TMEM163: variants seen among roughly 807,000 people sequenced by gnomAD.
The protein encoded by TMEM163 is transmembrane protein 163.
In TMEM163, 17 loss-of-function variants were observed where a neutral mutation model predicts 29.3. That is an observed-to-expected ratio of 0.58 (90% confidence interval 0.40 to 0.87). TMEM163 has a LOEUF of 0.87. Ranked by LOEUF, TMEM163 falls within the 40% of genes least tolerant of loss-of-function variation. The pLI, the probability that TMEM163 is intolerant of heterozygous loss-of-function variation, is 0.00. For missense variants in TMEM163, 303 were observed against 381.5 expected, an observed-to-expected ratio of 0.79 and a Z score of 1.71; for synonymous variants, 157 against 160.6, an observed-to-expected ratio of 0.98 and a Z score of 0.17.
At chr2:134,522,884 G>A (rs1680216337) in intron 4 of TMEM163, among the ~76,000 whole-genome samples, 1 of 152,204 alleles carries the variant, frequency 6.6e-6, no homozygotes, top group Admixed American at 6.5e-5. Flanking sequence ...CGAATCCCTT[G>A]CATGTTGAAA....
chr2:134,516,859 G>A (rs910240041), intron 4 of TMEM163, among the ~76,000 whole-genome samples: 2 of 151,110 alleles, frequency 1.3e-5, no homozygotes, highest in South Asian at 2.1e-4. Flanking sequence ...TACGGCCAAG[G>A]ACCGCAAGAC....
chr2:134,521,757 C>T (rs1257474244), intron 4 of TMEM163, among the ~76,000 whole-genome samples: 1 of 152,166 alleles, frequency 6.6e-6, no homozygotes, highest in Non-Finnish European at 1.5e-5. Context: ...ACATCAACTT[C>T]GCTGAAGAGC....
chr2:134,678,661 C>T lies in TMEM163; in HGVS notation c.322+34539G>A, dbSNP rs534939010. Among the ~76,000 whole-genome samples the T allele has an allele frequency of 1.4e-3, 206 of 152,302 alleles. 1 individual carries two copies. The highest frequency in any genetic ancestry group is 4.5e-3 in the African/African-American group (189 of 41,562). ...CTCTGCTACTCATAAGCTGTGTCAG[C>T]CTGGGGAGTCCTTTCCCATTCCCCA... is the stretch of plus-strand genomic sequence containing the variant. On this transcript the variant is annotated intron_variant, in intron 2 of 7. Coordinates refer to ENST00000281924, the MANE Select transcript of TMEM163 (RefSeq NM_030923.5).
chr2:134,496,606 G>A (rs2106484700), intron 5 of TMEM163, among the ~76,000 whole-genome samples: 1 of 152,304 alleles, frequency 6.6e-6, no homozygotes, highest in Admixed American at 6.5e-5. Context: ...TGACTGCAGG[G>A]AAATGAACAA....
Position 134,718,792 on chromosome 2 carries a change from C to T in TMEM163, c.144G>A (p.Glu48=), listed in dbSNP as rs976496840. 1.7e-6 allele frequency: 2 copies of T among 1,148,268 alleles called. No homozygotes were observed. The highest frequency in any genetic ancestry group is 3.3e-5 in the African/African-American group (2 of 61,320). The allele number at this position is 1,148,268 out of a possible 1,614,324, so 71.1% of individuals were successfully genotyped here. A position where few individuals can be genotyped will look rare whatever the true frequency, so the allele number is the denominator to read the frequency against. The change falls in exon 1 of 8, where the codon GAG becomes GAA. Residue 48 remains glutamate, a synonymous_variant. Coordinates refer to ENST00000281924, the MANE Select transcript of TMEM163 (RefSeq NM_030923.5). ...TCTCGCTGATCCGCACCTGCCGCTC[C>T]TCCTCCAGCTGGGGCGGCTCGCGCA... ...SPVREPPQLE[E]ERQVRISESG...
intron 2 of TMEM163, among the ~76,000 whole-genome samples, chr2:134,603,791 GT>G (rs1172077599): frequency 2.3e-5 from 3 of 130,946 alleles, no homozygotes; most frequent in Non-Finnish European, 4.7e-5. Context: ...AGCTGGCACT[GT>G]TTTGCCCACA....
intron 2 of TMEM163, among the ~76,000 whole-genome samples, chr2:134,646,038 G>A (rs1683327676): frequency 6.6e-6 from 1 of 151,306 alleles, no homozygotes. Context: ...TTCACTTACA[G>A]TATCTGAGGA....
At chr2:134,582,802 A>T (rs1681725519) in intron 2 of TMEM163, among the ~76,000 whole-genome samples, 1 of 152,056 alleles carries the variant, frequency 6.6e-6, no homozygotes, top group African/African-American at 2.4e-5. Context: ...GTGATATCTC[A>T]TGTGGGGGCT....
rs964326360 is a variant in TMEM163 at position 134,655,525 on chromosome 2, T to C, written c.322+57675A>G. ...CCCGTAGCTCAGAGTAATTTGATCG[T>C]CTGAAGCCTTCTTCTCTCAGCTTGT... On this transcript the variant is annotated intron_variant, in intron 2 of 7. Transcript: ENST00000281924. Among the ~76,000 whole-genome samples, 213 of 139,582 alleles carry C rather than the reference T, an allele frequency of 1.5e-3. 31 individuals are homozygous for C. Among genetic ancestry groups the C allele is most frequent in the African/African-American group, 5.8e-3 (191 of 33,112 alleles). The allele number at this position is 139,582 out of a possible 152,430, so 91.6% of individuals were successfully genotyped here. A position where few individuals can be genotyped will look rare whatever the true frequency, so the allele number is the denominator to read the frequency against.
intron 2 of TMEM163, among the ~76,000 whole-genome samples, chr2:134,568,568 GAAAAGA>G (rs1231329307): frequency 3.0e-5 from 3 of 99,700 alleles, no homozygotes; most frequent in African/African-American, 1.1e-4. Context: ...AGAAAAGAAG[GAAAAGA>G]AAAAGAAAAG....
intron 5 of TMEM163, among the ~76,000 whole-genome samples, chr2:134,500,887 T>G (rs549354189): frequency 4.6e-5 from 7 of 152,318 alleles, no homozygotes; most frequent in African/African-American, 1.7e-4. Context: ...GAGGAATAAG[T>G]TCTAGTGTTC....
In TMEM163 at chr2:134,554,295, G is replaced by A. The variant is rs544702497; in HGVS notation, c.323-2204C>T. ...AAAAGAATAAGCCGGGCGTGGTGGC[G>A]TGTGCCTGTAGTCCCAGCTGCTCGG... On this transcript the variant is annotated intron_variant, in intron 2 of 7. Transcript: ENST00000281924. Among the ~76,000 whole-genome samples the A allele has an allele frequency of 9.2e-4, 140 of 151,928 alleles. 1 individual carries two copies. Among genetic ancestry groups the A allele is most frequent in the Admixed American group, 7.1e-3 (108 of 15,256 alleles).
chr2:134,531,982 T>C (rs1193377809), intron 4 of TMEM163, among the ~76,000 whole-genome samples: 2 of 152,208 alleles, frequency 1.3e-5, no homozygotes, highest in Non-Finnish European at 2.9e-5. Flanking sequence ...TAGCATTCAC[T>C]AGGACACAAT....
At position 134,517,741 on chromosome 2, in the gene TMEM163, T is replaced by C. The variant is rs567864719; in HGVS notation, c.459-14744A>G. Among the ~76,000 whole-genome samples the C allele has an allele frequency of 5.1e-4, 78 of 152,344 alleles. 1 individual carries two copies. The highest frequency in any genetic ancestry group is 1.8e-3 in the African/African-American group (75 of 41,584). The stretch of plus-strand genomic sequence containing the variant: ...TGACATACTAAAACTGCAATCTAGA[T>C]GGAGCAATGGGAATTCTGGCTTATT... On this transcript the variant is annotated intron_variant, in intron 4 of 7. Coordinates refer to ENST00000281924, the MANE Select transcript of TMEM163 (RefSeq NM_030923.5).
At chr2:134,599,363 G>A (rs936029449) in intron 2 of TMEM163, among the ~76,000 whole-genome samples, 1 of 152,190 alleles carries the variant, frequency 6.6e-6, no homozygotes, top group African/African-American at 2.4e-5. Flanking sequence ...CAAGGCTATA[G>A]TGTTAGAAGG....
chr2:134,481,551 G>A (rs2106479619), intron 5 of TMEM163, among the ~76,000 whole-genome samples: 1 of 152,148 alleles, frequency 6.6e-6, no homozygotes. Context: ...ACATGGAACT[G>A]TGAGTCCATT....
At chr2:134,509,403 T>C (rs1216481980) in intron 4 of TMEM163, among the ~76,000 whole-genome samples, 1 of 152,200 alleles carries the variant, frequency 6.6e-6, no homozygotes, top group Admixed American at 6.5e-5. Flanking sequence ...CAGGGACTGC[T>C]CTAGGAAACT....
chr2:134,529,388 A>T (rs985047595), intron 4 of TMEM163, among the ~76,000 whole-genome samples: 5 of 80,326 alleles, frequency 6.2e-5, no homozygotes, highest in Non-Finnish European at 1.3e-4. Context: ...AATGGAAAGA[A>T]AAAAATCTCC....
intron 2 of TMEM163, among the ~76,000 whole-genome samples, chr2:134,602,933 C>G (rs1401267274): frequency 6.6e-6 from 1 of 152,112 alleles, no homozygotes; most frequent in Non-Finnish European, 1.5e-5. Flanking sequence ...GTATCTCAGT[C>G]CTCACCTAGC....
Sources: gnomAD v4.1 joint callset for allele counts (sites outside exome capture counted in the v4.1 genomes callset) on GRCh38, gnomAD v4.1.1 for gene constraint, MANE v1.5 for transcripts, NCBI Gene and HGNC (gene_info 2026-07-23, HGNC 2026-07-21) for gene names.